Variants in TBC1D22A observed in about 807,000 individuals in gnomAD.
TBC1D22A encodes putative GTPase activator.
TBC1D22A carries 38 observed loss-of-function variants against 60.2 expected under a neutral mutation model. The observed-to-expected ratio is 0.63, with a 90% CI of 0.49 to 0.83. The LOEUF (loss-of-function observed/expected upper bound fraction) is 0.83, where lower values mean the gene tolerates loss of function less well. TBC1D22A is among the 40% of genes least tolerant of loss of function. The pLI is 0.00. For synonymous variants in TBC1D22A, 302 were observed against 281.7 expected, an observed-to-expected ratio of 1.07 and a Z score of -0.72; for missense variants, 628 against 701.0, an observed-to-expected ratio of 0.90 and a Z score of 1.18.
intron 8 of TBC1D22A, among the ~76,000 whole-genome samples, chr22:46,964,911 C>T (rs2073723834): frequency 6.6e-6 from 1 of 152,238 alleles, no homozygotes; most frequent in Admixed American, 6.5e-5. Context: ...ACGCTGGGCA[C>T]TGGTGAGCTG....
intron 1 of TBC1D22A, among the ~76,000 whole-genome samples, chr22:46,788,656 T>G (rs1173475761): frequency 6.6e-6 from 1 of 152,194 alleles, no homozygotes; most frequent in Non-Finnish European, 1.5e-5. Flanking sequence ...CCTTCCTGGT[T>G]GAGAGGAGGG....
At chr22:46,858,590 G>C (rs1360714779) in intron 4 of TBC1D22A, among the ~76,000 whole-genome samples, 1 of 152,228 alleles carries the variant, frequency 6.6e-6, no homozygotes, top group Admixed American at 6.5e-5. Flanking sequence ...GCGCCTGCAG[G>C]CATTTCTGAT....
intron 8 of TBC1D22A, among the ~76,000 whole-genome samples, chr22:46,936,054 TA>T (rs2071632565): frequency 6.6e-6 from 1 of 152,268 alleles, no homozygotes; most frequent in Admixed American, 6.5e-5. Flanking sequence ...GCTTTTGAGT[TA>T]ATGCCAGGCT....
intron 11 of TBC1D22A, among the ~76,000 whole-genome samples, chr22:47,044,013 G>A (rs2062949011): frequency 6.6e-6 from 1 of 152,240 alleles, no homozygotes; most frequent in Non-Finnish European, 1.5e-5. Flanking sequence ...GCAGGGCTCC[G>A]CCTTTTACCA....
chr22:46,997,989 T>C (rs1430401680), intron 10 of TBC1D22A, among the ~76,000 whole-genome samples: 4 of 152,196 alleles, frequency 2.6e-5, no homozygotes, highest in African/African-American at 9.6e-5. Flanking sequence ...GTGATTGTCA[T>C]AATCTAGGTG....
intron 11 of TBC1D22A, among the ~76,000 whole-genome samples, chr22:47,082,612 C>G (rs73170433): frequency 0.053 from 8,136 of 152,306 alleles, 289 homozygotes; most frequent in Admixed American, 0.12. Flanking sequence ...TGATGGCCAA[C>G]AAACACTTGA....
At chr22:46,830,069 G>C (rs1602055735) in intron 4 of TBC1D22A, among the ~76,000 whole-genome samples, 2 of 152,218 alleles carry the variant, frequency 1.3e-5, no homozygotes, top group East Asian at 3.9e-4. Flanking sequence ...GTGGGGAAAG[G>C]ATCTGAAGTG....
At chr22:47,091,500 G>A (rs539570857) in intron 11 of TBC1D22A, among the ~76,000 whole-genome samples, 43 of 130,208 alleles carry the variant, frequency 3.3e-4, no homozygotes, top group African/African-American at 1.2e-3. Context: ...CGTGGAGGGG[G>A]TGGCTGCTTG....
intron 1 of TBC1D22A, among the ~76,000 whole-genome samples, chr22:46,767,604 T>C (rs550177910): frequency 1.3e-5 from 2 of 152,258 alleles, no homozygotes; most frequent in South Asian, 4.1e-4. Context: ...TAAATGGAGT[T>C]AACTGTTGGA....
intron 10 of TBC1D22A, among the ~76,000 whole-genome samples, chr22:47,016,194 C>A (rs1307839722): frequency 1.3e-5 from 2 of 152,158 alleles, no homozygotes; most frequent in African/African-American, 4.8e-5. Context: ...CCTGAGTGCA[C>A]CCCCTTTGTT....
chr22:46,777,853 T>C lies in TBC1D22A; in HGVS notation c.63-14667T>C, dbSNP rs545648770. Among the ~76,000 whole-genome samples the C allele has an allele frequency of 5.9e-5, 9 of 152,170 alleles. No individual in the cohort carries two copies. The highest frequency in any genetic ancestry group is 8.8e-5 in the Non-Finnish European group (6 of 68,024). ...AGACATGTGTCCTTAGGTGATTTGG[T>C]CCCTGTGTGAACATCACAGAGCACA... On this transcript the variant is annotated intron_variant, in intron 1 of 12. Coordinates refer to ENST00000337137, the MANE Select transcript of TBC1D22A (RefSeq NM_014346.5). The surrounding 1 kb of genome is among the most constrained non-coding windows in gnomAD (Gnocchi z 4.5).
intron 10 of TBC1D22A, among the ~76,000 whole-genome samples, chr22:47,004,621 T>C (rs533244148): frequency 6.7e-6 from 1 of 149,988 alleles, no homozygotes; most frequent in African/African-American, 2.5e-5. Context: ...ACACCTGCCA[T>C]ATACACATAC....
At chr22:47,168,270 G>T (rs1373136465) in intron 12 of TBC1D22A, among the ~76,000 whole-genome samples, 1 of 147,992 alleles carries the variant, frequency 6.8e-6, no homozygotes, top group Admixed American at 6.7e-5. Context: ...GGGACACACA[G>T]ACCTGTTGAA....
At chr22:46,974,880 A>G (rs905494671) in intron 9 of TBC1D22A, among the ~76,000 whole-genome samples, 6 of 152,238 alleles carry the variant, frequency 3.9e-5, no homozygotes, top group Non-Finnish European at 7.4e-5. Flanking sequence ...CCAGAGAGCA[A>G]CACGAGCTGG....
At position 47,023,106 on chromosome 22, in the gene TBC1D22A, G is replaced by A. The variant is rs532525684; in HGVS notation, c.1202-13965G>A. The stretch of plus-strand genomic sequence containing the variant: ...TAGTTAGGCAGAGTCATTAAAGCAG[G>A]TATTATAACTGTATTTCATATGTTA... On this transcript the variant is annotated intron_variant, in intron 10 of 12. Coordinates refer to ENST00000337137, the MANE Select transcript of TBC1D22A (RefSeq NM_014346.5). Among the ~76,000 whole-genome samples, 4 of 152,298 alleles carry A rather than the reference G, an allele frequency of 2.6e-5. No homozygotes were observed. The South Asian group carries it at 6.2e-4, about 24-fold the overall frequency.
chr22:46,930,246 AGC>A (rs2071280654), intron 8 of TBC1D22A, among the ~76,000 whole-genome samples: 1 of 152,112 alleles, frequency 6.6e-6, no homozygotes, highest in Non-Finnish European at 1.5e-5. Flanking sequence ...GTTTTGGTGA[AGC>A]ATTTTGTATA....
intron 11 of TBC1D22A, among the ~76,000 whole-genome samples, chr22:47,039,209 A>C (rs2148403654): frequency 6.6e-6 from 1 of 152,322 alleles, no homozygotes; most frequent in African/African-American, 2.4e-5. Context: ...ATTTTCTTGA[A>C]ATTAAATTTT....
intron 4 of TBC1D22A, among the ~76,000 whole-genome samples, chr22:46,834,433 A>G (rs1297842091): frequency 6.6e-6 from 1 of 152,190 alleles, no homozygotes; most frequent in East Asian, 1.9e-4. Flanking sequence ...AGTTTCACTT[A>G]TCCATAACAC....
At chr22:46,826,269 A>G (rs564978344) in intron 4 of TBC1D22A, among the ~76,000 whole-genome samples, 2 of 152,184 alleles carry the variant, frequency 1.3e-5, no homozygotes, top group East Asian at 1.9e-4. Flanking sequence ...GTGGGGTTCC[A>G]TTGTTTGGCT....
Sources: allele counts gnomAD v4.1 joint callset (sites outside exome capture counted in the v4.1 genomes callset), GRCh38; gene constraint gnomAD v4.1.1; non-coding constraint Gnocchi (gnomAD v3.1); transcripts MANE v1.5; gene names NCBI Gene and HGNC (gene_info 2026-07-23, HGNC 2026-07-21).